TUSC3: variants seen among roughly 807,000 people sequenced by gnomAD.
TUSC3 encodes tumor suppressor candidate 3, also known as dolichyl-diphosphooligosaccharide--protein glycosyltransferase subunit TUSC3.
Under a neutral mutation model 44.8 loss-of-function variants are expected in TUSC3, and 45 were observed. The observed-to-expected ratio is 1.00, with a 90% confidence interval of 0.79 to 1.29. The LOEUF is 1.29. Among genes scored for constraint, TUSC3 ranks in the 50% most tolerant of loss-of-function variants. The pLI is 0.00. For missense variants in TUSC3, 519 were observed against 437.9 expected (o/e 1.19, Z -1.65); for synonymous variants, 212 against 152.9 (o/e 1.39, Z -2.85).
At chr8:15,448,346 C>T (rs528286321) in intron 1 of TUSC3, among the ~76,000 whole-genome samples, 1 of 151,866 alleles carries the variant, frequency 6.6e-6, no homozygotes, top group East Asian at 1.9e-4. Context: ...CTCAAACTCC[C>T]AGCCTCAGGC....
chr8:15,655,415 C>A (rs1207125532), intron 3 of TUSC3, among the ~76,000 whole-genome samples: 2 of 152,192 alleles, frequency 1.3e-5, no homozygotes, highest in African/African-American at 4.8e-5. Context: ...ACGGCCCCTC[C>A]CAAGTGCTGG....
chr8:15,717,292 A>C (rs900746433), intron 6 of TUSC3, among the ~76,000 whole-genome samples: 1 of 152,112 alleles, frequency 6.6e-6, no homozygotes, highest in Non-Finnish European at 1.5e-5. Flanking sequence ...AGTAAGACGA[A>C]ACATCATTTT....
rs146747153 is a variant in TUSC3 at position 15,446,939 on chromosome 8, A to G, written n.91+29634A>G. Among the ~76,000 whole-genome samples the G allele has an allele frequency of 7.7e-3, 1,175 of 152,068 alleles. 6 individuals carry two copies. The highest frequency in any genetic ancestry group is 0.012 in the Non-Finnish European group (827 of 67,952). The stretch of plus-strand genomic sequence containing the variant: ...GGAGGTAAAATTAATACAGACTTAA[A>G]AATGCAATATTAAAATGGAAATTCA... On this transcript the variant is annotated intron_variant and non_coding_transcript_variant, in intron 1 of 5. Transcript: ENST00000503191.
At chr8:15,806,969 G>A in the TUSC3 span, 2 of 1,467,340 alleles carry the variant, frequency 1.4e-6, no homozygotes, top group East Asian at 2.3e-5. Flanking sequence ...TCAATCTCCA[G>A]GAAACCTGTT....
intron 1 of TUSC3, among the ~76,000 whole-genome samples, chr8:15,545,616 C>G (rs928133258): frequency 7.9e-5 from 12 of 151,600 alleles, no homozygotes; most frequent in Non-Finnish European, 1.3e-4. Flanking sequence ...GGAGCTTGGT[C>G]AAAAGAGAAC....
Position 15,424,676 on chromosome 8 carries a change from C to T in TUSC3, n.91+7371C>T, listed in dbSNP as rs932754662. 3.9e-5 allele frequency among the ~76,000 whole-genome samples: 6 copies of T among 152,104 alleles called. No homozygotes were observed. The East Asian group carries it at 7.8e-4, about 20-fold the overall frequency. ...TGGATGGATCACGAGGTCAGGAGAT[C>T]GAGACTATCCTGGCTAACACGGTGA... is the stretch of plus-strand genomic sequence containing the variant. On this transcript the variant is annotated intron_variant and non_coding_transcript_variant, in intron 1 of 5. Coordinates refer to the TUSC3 transcript ENST00000503191.
chr8:15,697,915 A>G (rs1185172260), intron 6 of TUSC3, among the ~76,000 whole-genome samples: 1 of 152,210 alleles, frequency 6.6e-6, no homozygotes, highest in Non-Finnish European at 1.5e-5. Flanking sequence ...TAGTTAATAA[A>G]TTACCTTATA....
intron 1 of TUSC3, among the ~76,000 whole-genome samples, chr8:15,576,036 T>A (rs924358043): frequency 6.6e-6 from 1 of 151,942 alleles, no homozygotes; most frequent in East Asian, 1.9e-4. Flanking sequence ...CCTTTTGAAA[T>A]TTAGAAGTTA....
At chr8:15,529,681 C>T (rs1447925938) in intron 2 of TUSC3, among the ~76,000 whole-genome samples, 1 of 151,594 alleles carries the variant, frequency 6.6e-6, no homozygotes, top group African/African-American at 2.4e-5. Flanking sequence ...CCTAATATTT[C>T]CAGCCATTGG....
intron 2 of TUSC3, among the ~76,000 whole-genome samples, chr8:15,626,611 A>G (rs1224060863): frequency 6.6e-6 from 1 of 152,138 alleles, no homozygotes; most frequent in African/African-American, 2.4e-5. Context: ...TCAGTGGCCC[A>G]GGAAGGCCCC....
intron 6 of TUSC3, among the ~76,000 whole-genome samples, chr8:15,729,139 C>G (rs772945497): frequency 1.6e-4 from 24 of 152,116 alleles, no homozygotes; most frequent in Non-Finnish European, 2.8e-4. Flanking sequence ...GAGAGGCAAA[C>G]TATTTTGCAG....
chr8:15,446,072 T>C (rs1800093416), intron 1 of TUSC3, among the ~76,000 whole-genome samples: 1 of 147,992 alleles, frequency 6.8e-6, no homozygotes, highest in Non-Finnish European at 1.5e-5. Flanking sequence ...GCAGAGACGC[T>C]CCTCACCTCC....
At chr8:15,651,571 G>A (rs562223547) in intron 3 of TUSC3, among the ~76,000 whole-genome samples, 7 of 152,330 alleles carry the variant, frequency 4.6e-5, no homozygotes, top group South Asian at 2.1e-4. Context: ...GGGAGCAGGA[G>A]TGCATGTGCA....
At chr8:15,540,219 C>A, upstream of TUSC3, 1 of 647,106 alleles carries the variant, frequency 1.5e-6, no homozygotes, top group Non-Finnish European at 2.3e-6. Context: ...TGCCCCCATC[C>A]CGCGCCTTTC....
At chr8:15,841,438 A>G in the TUSC3 span, among the ~76,000 whole-genome samples, 3 of 152,160 alleles carry the variant, frequency 2.0e-5, no homozygotes, top group African/African-American at 7.2e-5. Context: ...GCCAAACTGA[A>G]CTACATTTTA....
At chr8:15,526,040 C>T (rs1801368879) in intron 2 of TUSC3, among the ~76,000 whole-genome samples, 1 of 148,106 alleles carries the variant, frequency 6.8e-6, no homozygotes, top group Non-Finnish European at 1.5e-5. Context: ...GGAGATTCAT[C>T]TTTTTTTTTT....
chr8:15,762,551 G>A lies in TUSC3; in HGVS notation c.*47-1652G>A, dbSNP rs180981958. Among the ~76,000 whole-genome samples the A allele has an allele frequency of 3.8e-3, 585 of 152,096 alleles. 4 individuals carry two copies. Among genetic ancestry groups the A allele is most frequent in the African/African-American group, 0.014 (568 of 41,496 alleles). ...GATTAGTATTTTTGCTTTTACAGGG[G>A]TAATATCGTTAGCAGCAATAAAGAT... On this transcript the variant is annotated intron_variant, in intron 10 of 10. Coordinates refer to ENST00000503731, the MANE Select transcript of TUSC3 (RefSeq NM_006765.4).
At chr8:15,813,630 G>T in the TUSC3 span, among the ~76,000 whole-genome samples, 1 of 152,110 alleles carries the variant, frequency 6.6e-6, no homozygotes, top group Non-Finnish European at 1.5e-5. Flanking sequence ...TAAGAAATGT[G>T]TCATTTTTAT....
chr8:15,540,778 G>T (rs943632962), intron 1 of TUSC3, among the ~76,000 whole-genome samples: 2 of 152,160 alleles, frequency 1.3e-5, no homozygotes, highest in Non-Finnish European at 2.9e-5. Flanking sequence ...ACGGCAAAGC[G>T]TGTTCTTGAC....
Sources: gnomAD v4.1 joint callset for allele counts (sites outside exome capture counted in the v4.1 genomes callset) on GRCh38, gnomAD v4.1.1 for gene constraint, MANE v1.5 for transcripts, NCBI Gene and HGNC (gene_info 2026-07-23, HGNC 2026-07-21) for gene names.